The following SLC24A3 variants were observed in gnomAD, a reference collection of about 807,000 sequenced individuals.
SLC24A3 encodes solute carrier family 24 member 3.
Under a neutral mutation model 75.8 loss-of-function variants are expected in SLC24A3, and 28 were observed. The ratio of observed to expected loss-of-function variants is 0.37; its 90% CI spans 0.27 to 0.51. SLC24A3 has a LOEUF of 0.51. Ranked by LOEUF, SLC24A3 falls within the 20% of genes least tolerant of loss-of-function variation. SLC24A3 has a pLI of 0.94. For missense variants in SLC24A3, 663 were observed against 847.8 expected (o/e 0.78, Z 2.71); for synonymous variants, 372 against 334.1 (o/e 1.11, Z -1.24).
chr20:19,323,649 C>T (rs1405877753), intron 2 of SLC24A3, among the ~76,000 whole-genome samples: 1 of 152,088 alleles, frequency 6.6e-6, no homozygotes, highest in Non-Finnish European at 1.5e-5. Flanking sequence ...CCAGTGGGTT[C>T]ACCAGGCAGT....
intron 6 of SLC24A3, among the ~76,000 whole-genome samples, chr20:19,586,383 G>C (rs1302211572): frequency 6.6e-6 from 1 of 152,170 alleles, no homozygotes; most frequent in Non-Finnish European, 1.5e-5. Context: ...ACTTCTAAAA[G>C]CTCATGGAGG....
At chr20:19,320,095 G>T (rs930315276) in intron 2 of SLC24A3, among the ~76,000 whole-genome samples, 1 of 152,198 alleles carries the variant, frequency 6.6e-6, no homozygotes, top group African/African-American at 2.4e-5. Flanking sequence ...GCAGGTCAAG[G>T]CTGTGCCTGG....
At chr20:19,648,462 T>A (rs1017960478) in intron 6 of SLC24A3, among the ~76,000 whole-genome samples, 1 of 151,890 alleles carries the variant, frequency 6.6e-6, no homozygotes, top group Non-Finnish European at 1.5e-5. Context: ...GTTTTTTTTT[T>A]TAAAGCAAAT....
chr20:19,540,339 C>T (rs920412283), intron 3 of SLC24A3, among the ~76,000 whole-genome samples: 5 of 152,096 alleles, frequency 3.3e-5, no homozygotes, highest in African/African-American at 9.7e-5. Context: ...GAACAAGGAA[C>T]GCAGGGAGTG....
At chr20:19,330,133 T>A (rs1984966145) in intron 2 of SLC24A3, among the ~76,000 whole-genome samples, 1 of 152,216 alleles carries the variant, frequency 6.6e-6, no homozygotes, top group Non-Finnish European at 1.5e-5. Context: ...AAATCGTGCC[T>A]TAGGACGGAA....
intron 2 of SLC24A3, among the ~76,000 whole-genome samples, chr20:19,412,764 G>C (rs965536703): frequency 3.9e-5 from 6 of 152,128 alleles, no homozygotes; most frequent in Admixed American, 2.0e-4. Context: ...GAGAAAATGG[G>C]CTGTTTTCTC....
chr20:19,701,357 TAA>T (rs11481137), intron 15 of SLC24A3, among the ~76,000 whole-genome samples: 6 of 150,872 alleles, frequency 4.0e-5, no homozygotes, highest in African/African-American at 1.5e-4. Context: ...ATATTTTTAT[TAA>T]AAAAAAACAT....
At chr20:19,555,676 G>C (rs143132470) in intron 3 of SLC24A3, among the ~76,000 whole-genome samples, 2 of 152,134 alleles carry the variant, frequency 1.3e-5, no homozygotes, top group African/African-American at 4.8e-5. Flanking sequence ...ACAGAACAGA[G>C]CATCGTAAAA....
chr20:19,574,447 G>C (rs925146404), intron 3 of SLC24A3, among the ~76,000 whole-genome samples: 1 of 152,134 alleles, frequency 6.6e-6, no homozygotes, highest in African/African-American at 2.4e-5. Flanking sequence ...CAATTCATTG[G>C]TTCATGGGTT....
chr20:19,468,839 T>G (rs1987814390), intron 2 of SLC24A3, among the ~76,000 whole-genome samples: 1 of 151,508 alleles, frequency 6.6e-6, no homozygotes, highest in Non-Finnish European at 1.5e-5. Flanking sequence ...GGCAAGGAGG[T>G]GAGTGTATTT....
At chr20:19,216,352 T>TA (rs1295916360) in intron 1 of SLC24A3, among the ~76,000 whole-genome samples, 1 of 152,216 alleles carries the variant, frequency 6.6e-6, no homozygotes, top group Non-Finnish European at 1.5e-5. Context: ...GGAGTAATTC[T>TA]AGACTTTCTC....
intron 3 of SLC24A3, among the ~76,000 whole-genome samples, chr20:19,564,020 T>A (rs2030918066): frequency 6.6e-6 from 1 of 152,092 alleles, no homozygotes; most frequent in African/African-American, 2.4e-5. Context: ...ATTTAAATGA[T>A]CTAATATTTA....
chr20:19,432,714 C>T lies in SLC24A3; in HGVS notation c.272-82774C>T, dbSNP rs533405886. Reference sequence around the variant, plus strand: ...GTTGCCTCAGCTAATAAGGGGAATGCTTTGCTTGCTCTTTATAGCCAGATG... The same window carrying T: ...GTTGCCTCAGCTAATAAGGGGAATGTTTTGCTTGCTCTTTATAGCCAGATG... On this transcript the variant is annotated intron_variant, in intron 2 of 16. Coordinates refer to ENST00000328041, the MANE Select transcript of SLC24A3 (RefSeq NM_020689.4). Among the ~76,000 whole-genome samples, 17 of 152,290 alleles carry T rather than the reference C, an allele frequency of 1.1e-4. No individual in the cohort carries two copies. In the South Asian group the frequency reaches 3.5e-3, roughly 32 times the overall value.
chr20:19,225,157 T>C (rs1236263473), intron 1 of SLC24A3, among the ~76,000 whole-genome samples: 2 of 152,218 alleles, frequency 1.3e-5, no homozygotes, highest in African/African-American at 4.8e-5. Context: ...GGCCATTAAT[T>C]CATTTTGTTA....
intron 2 of SLC24A3, among the ~76,000 whole-genome samples, chr20:19,435,261 C>T (rs1987177888): frequency 6.6e-6 from 1 of 152,234 alleles, no homozygotes; most frequent in Non-Finnish European, 1.5e-5. Context: ...GTAAAATGAG[C>T]ATAACAGCAC....
At chr20:19,577,511 C>T (rs954404126) in intron 3 of SLC24A3, among the ~76,000 whole-genome samples, 11 of 152,122 alleles carry the variant, frequency 7.2e-5, no homozygotes, top group Admixed American at 4.6e-4. Context: ...CCTCTAAAAT[C>T]TCCCATCACC....
intron 6 of SLC24A3, among the ~76,000 whole-genome samples, chr20:19,653,165 C>A (rs1226974727): frequency 6.6e-6 from 1 of 152,204 alleles, no homozygotes; most frequent in African/African-American, 2.4e-5. Context: ...GAAGCCTCAA[C>A]CTGACACCCA....
chr20:19,334,516 T>C (rs1325132453), intron 2 of SLC24A3, among the ~76,000 whole-genome samples: 2 of 152,212 alleles, frequency 1.3e-5, no homozygotes, highest in Admixed American at 1.3e-4. Context: ...TGATCATCTT[T>C]TTCACTGGTA....
At chr20:19,217,265 TGGA>T (rs1384260740) in intron 1 of SLC24A3, among the ~76,000 whole-genome samples, 8 of 152,186 alleles carry the variant, frequency 5.3e-5, no homozygotes, top group Non-Finnish European at 1.2e-4. Flanking sequence ...AGTCATTCAG[TGGA>T]GGAGTGTAGG....
Sources: allele counts gnomAD v4.1 joint callset (sites outside exome capture counted in the v4.1 genomes callset), GRCh38; gene constraint gnomAD v4.1.1; transcripts MANE v1.5; gene names NCBI Gene and HGNC (gene_info 2026-07-23, HGNC 2026-07-21).